MAPK4: variants seen among roughly 807,000 people sequenced by gnomAD.
MAPK4 encodes the protein mitogen-activated protein kinase 4.
In MAPK4, 22 loss-of-function variants were observed where a neutral mutation model predicts 47.7. The ratio of observed to expected loss-of-function variants is 0.46; its 90% CI spans 0.33 to 0.66. The LOEUF is 0.66. Among genes scored for constraint, MAPK4 ranks in the 30% least tolerant of loss-of-function variants. MAPK4 has a pLI of 0.02. For synonymous variants in MAPK4, 390 were observed against 365.7 expected (o/e 1.07, Z -0.76); for missense variants, 736 against 831.7 (o/e 0.88, Z 1.42).
chr18:50,685,734 G>T (rs561981802), intron 2 of MAPK4, among the ~76,000 whole-genome samples: 1 of 152,328 alleles, frequency 6.6e-6, no homozygotes, highest in Non-Finnish European at 1.5e-5. Flanking sequence ...CTTCTCAAGG[G>T]AGGCCAGTGC....
chr18:50,659,513 A>G (rs2144235981), intron 1 of MAPK4, among the ~76,000 whole-genome samples: 1 of 152,336 alleles, frequency 6.6e-6, no homozygotes, highest in African/African-American at 2.4e-5. Flanking sequence ...AAGCCCCAGG[A>G]ATCCCAGAAA....
Position 50,729,887 on chromosome 18 carries a change from A to AG in MAPK4, c.*35dup. 1 of 1,526,400 alleles carries AG rather than the reference A, an allele frequency of 6.6e-7. No homozygotes were observed. Among genetic ancestry groups the AG allele is most frequent in the Non-Finnish European group, 8.8e-7 (1 of 1,131,110 alleles). 94.6% of individuals were successfully genotyped at this position (1,526,400 alleles called of 1,614,324 possible). A position where few individuals can be genotyped will look rare whatever the true frequency, so the allele number is the denominator to read the frequency against. On this transcript the variant is annotated 3_prime_UTR_variant, in exon 6 of 6. Coordinates refer to ENST00000400384, the MANE Select transcript of MAPK4 (RefSeq NM_002747.4). ...GGGGCCGCTCCAGGCCCCACAGAGC[A>AG]GGAGACCCCCAGAGAAAGCCGGGGC...
chr18:50,708,698 C>T (rs1325794858), intron 2 of MAPK4, among the ~76,000 whole-genome samples: 1 of 152,168 alleles, frequency 6.6e-6, no homozygotes, highest in East Asian at 1.9e-4. Flanking sequence ...CAGGCCCCCA[C>T]AGAAAGCCCT....
chr18:50,603,798 G>A (rs779867333), intron 1 of MAPK4, among the ~76,000 whole-genome samples: 7 of 152,186 alleles, frequency 4.6e-5, no homozygotes, highest in Non-Finnish European at 7.3e-5. Context: ...TTGCACTGGT[G>A]TGAAATGAAC....
intron 2 of MAPK4, among the ~76,000 whole-genome samples, chr18:50,684,231 T>A (rs1368531087): frequency 6.6e-6 from 1 of 152,118 alleles, no homozygotes; most frequent in Non-Finnish European, 1.5e-5. Context: ...CTTATTTGAG[T>A]GGCTTCTGTT....
chr18:50,631,556 C>A (rs1045436716), intron 1 of MAPK4, among the ~76,000 whole-genome samples: 1 of 152,180 alleles, frequency 6.6e-6, no homozygotes, highest in Non-Finnish European at 1.5e-5. Context: ...TCATTCAAAC[C>A]CTTCCTGAAC....
At position 50,664,094 on chromosome 18, in the gene MAPK4, G is replaced by A; in HGVS notation, c.136G>A (p.Val46Ile). 6.2e-7 allele frequency: 1 copy of A among 1,614,038 alleles called. No homozygotes were observed. The highest frequency in any genetic ancestry group is 1.3e-5 in the African/African-American group (1 of 75,052). The stretch of plus-strand genomic sequence containing the variant: ...CGTGGACAGCCGGGCCTGCCGGAAG[G>A]TCGCTGTGAAGAAGATTGCCCTGAG... ...SAVDSRACRK[V>I]AVKKIALSDA... Residue 46 changes from valine to isoleucine, a missense_variant, in exon 2 of 6, where the codon GTC becomes ATC. Coordinates refer to ENST00000400384, the MANE Select transcript of MAPK4 (RefSeq NM_002747.4). The surrounding 1 kb of genome is among the most constrained non-coding windows in gnomAD (Gnocchi z 6.0).
intron 1 of MAPK4, chr18:50,629,302 T>A (rs2042808466): frequency 6.6e-6 from 1 of 152,258 alleles, no homozygotes; most frequent in Non-Finnish European, 1.5e-5. Context: ...GGCGTTTACA[T>A]GGTTTATAGC....
rs1290082089 is a variant in MAPK4, at chr18:50,729,937, G to A, written c.*83G>A. The A allele has an allele frequency of 3.0e-5, 41 of 1,365,810 alleles. No individual in the cohort carries two copies. Among genetic ancestry groups the A allele is most frequent in the Non-Finnish European group, 3.8e-5 (39 of 1,021,414 alleles). The allele number at this position is 1,365,810 out of a possible 1,614,324, so 84.6% of individuals were successfully genotyped here. ...CTGGCAGGAGGCGGCCGCCCTTCCC[G>A]CCCCTCTCTGCTGCCTTGGGGTTGG... On this transcript the variant is annotated 3_prime_UTR_variant, in exon 6 of 6. Transcript: ENST00000400384.
chr18:50,624,585 A>C (rs1030505061), intron 1 of MAPK4, among the ~76,000 whole-genome samples: 6 of 152,260 alleles, frequency 3.9e-5, no homozygotes, highest in African/African-American at 1.4e-4. Context: ...GGATGTTACC[A>C]AAGTGTTAGC....
chr18:50,712,947 A>C (rs951138631), intron 2 of MAPK4, among the ~76,000 whole-genome samples: 3 of 152,222 alleles, frequency 2.0e-5, no homozygotes, highest in Admixed American at 2.0e-4. Context: ...TGTAACTTTT[A>C]GAATCGAACT....
intron 2 of MAPK4, among the ~76,000 whole-genome samples, chr18:50,708,447 T>A (rs556713814): frequency 2.4e-4 from 37 of 152,324 alleles, no homozygotes; most frequent in African/African-American, 8.9e-4. Flanking sequence ...GCCAGTATCA[T>A]AAAGACCATC....
chr18:50,650,596 C>T (rs1313316472), intron 1 of MAPK4, among the ~76,000 whole-genome samples: 1 of 152,150 alleles, frequency 6.6e-6, no homozygotes, highest in Non-Finnish European at 1.5e-5. Context: ...TTTCCTCACC[C>T]AGCAAACACT....
chr18:50,598,572 G>A (rs1426706941), intron 1 of MAPK4, among the ~76,000 whole-genome samples: 1 of 152,148 alleles, frequency 6.6e-6, no homozygotes, highest in African/African-American at 2.4e-5. Flanking sequence ...GGATAGCTTT[G>A]GTTTAAAACA....
chr18:50,729,652 C>T lies in MAPK4; in HGVS notation c.1562C>T (p.Ser521Leu), dbSNP rs555824518. The change falls in exon 6 of 6, where the codon TCG (serine) becomes TTG (leucine). Residue 521 changes from serine (S) to leucine (L), a missense_variant. Around this residue, in one of 3 missense-constraint regions of MAPK4, gnomAD observed 377 missense variants for 378.6 expected, o/e 1.00. Coordinates refer to ENST00000400384, the MANE Select transcript of MAPK4 (RefSeq NM_002747.4). Reference sequence around the variant, plus strand: ...GACCCCGAGCGCCGCTTGTCTGCCTCGCCCCCCGGCCGCCCGGCCCCGGTG... The same window carrying T: ...GACCCCGAGCGCCGCTTGTCTGCCTTGCCCCCCGGCCGCCCGGCCCCGGTG... Reference protein sequence around the residue: ...ADDPERRLSASPPGRPAPVDG... With the variant: ...ADDPERRLSALPPGRPAPVDG... 4.2e-5 allele frequency: 63 copies of T among 1,512,358 alleles called. No individual in the cohort carries two copies. The African/African-American group carries it at 6.7e-4, about 16-fold the overall frequency. The allele number at this position is 1,512,358 out of a possible 1,614,324, so 93.7% of individuals were successfully genotyped here.
intron 1 of MAPK4, among the ~76,000 whole-genome samples, chr18:50,638,361 T>C (rs2042906931): frequency 6.6e-6 from 1 of 152,228 alleles, no homozygotes; most frequent in African/African-American, 2.4e-5. Flanking sequence ...GGACGTGAGC[T>C]TGCCTTTCAA....
chr18:50,562,761 G>T (rs1484320878), intron 1 of MAPK4, among the ~76,000 whole-genome samples: 1 of 152,216 alleles, frequency 6.6e-6, no homozygotes, highest in Non-Finnish European at 1.5e-5. Context: ...GGGAAATGTA[G>T]TCTAAGACGT....
At chr18:50,689,695 C>T (rs979615403) in intron 2 of MAPK4, among the ~76,000 whole-genome samples, 6 of 152,242 alleles carry the variant, frequency 3.9e-5, no homozygotes, top group African/African-American at 7.2e-5. Context: ...AGACCAGCCT[C>T]GGTTGGGCAA....
In MAPK4 at chr18:50,716,683, C is replaced by T. The variant is rs532975648; in HGVS notation, c.691+1460C>T. Among the ~76,000 whole-genome samples the T allele has an allele frequency of 2.0e-5, 3 of 152,242 alleles. No homozygotes were observed. The East Asian group carries it at 5.8e-4, about 29-fold the overall frequency. On this transcript the variant is annotated intron_variant, in intron 3 of 5. Coordinates refer to ENST00000400384, the MANE Select transcript of MAPK4 (RefSeq NM_002747.4). ...AGAACTCCGGGCCTCATATCCGGTCCTCCTGGCTGACCTCTCTTCTCAGTG... is the reference window on the plus strand; with the variant it reads ...AGAACTCCGGGCCTCATATCCGGTCTTCCTGGCTGACCTCTCTTCTCAGTG...
Sources: allele counts gnomAD v4.1 joint callset (sites outside exome capture counted in the v4.1 genomes callset), GRCh38; gene constraint gnomAD v4.1.1; regional missense constraint gnomAD v4.1.1; non-coding constraint Gnocchi (gnomAD v3.1); transcripts MANE v1.5; gene names NCBI Gene and HGNC (gene_info 2026-07-23, HGNC 2026-07-21).